Variants in PSMG2 observed in about 807,000 individuals in gnomAD.
PSMG2 encodes the protein CD40 ligand-activated specific transcript 3.
Under a neutral mutation model 31.5 loss-of-function variants are expected in PSMG2, and 21 were observed. That is an observed-to-expected ratio of 0.67 (90% CI 0.47 to 0.96). The LOEUF is 0.96. PSMG2 is among the 40% of genes least tolerant of loss of function. The pLI is 0.00. For synonymous variants in PSMG2, 120 were observed against 110.4 expected, an observed-to-expected ratio of 1.09 and a Z score of -0.54; for missense variants, 318 against 321.2, an observed-to-expected ratio of 0.99 and a Z score of 0.08.
At chr18:12,671,581 TTAACAC>T (rs113404860) in intron 1 of PSMG2, among the ~76,000 whole-genome samples, 2,651 of 151,750 alleles carry the variant, frequency 0.017, 87 homozygotes, top group African/African-American at 0.061. Flanking sequence ...TTTTGTTCAC[TTAACAC>T]TTTTTTTAAT....
rs369287281 is a variant in PSMG2, at chr18:12,674,558, G to A, written c.-37+15785G>A. 16 of 1,613,366 alleles carry A rather than the reference G, an allele frequency of 9.9e-6. No homozygotes were observed. Among genetic ancestry groups the A allele is most frequent in the Non-Finnish European group, 1.3e-5 (15 of 1,179,662 alleles). ...TACCGAAGACATGTGGCAAATGCAC[G>A]TCTTGCATTTCTATACACAAAATGT... On this transcript the variant is annotated intron_variant, in intron 1 of 6. Coordinates refer to the PSMG2 transcript ENST00000585331.
intron 2 of PSMG2, among the ~76,000 whole-genome samples, chr18:12,709,396 G>T (rs979755751): frequency 2.6e-5 from 4 of 151,796 alleles, no homozygotes; most frequent in African/African-American, 9.7e-5. Context: ...GCGGGATCTC[G>T]GCTCACTGCA....
intron 6 of PSMG2, among the ~76,000 whole-genome samples, chr18:12,725,173 T>C (rs1201069633): frequency 6.6e-6 from 1 of 152,240 alleles, no homozygotes; most frequent in East Asian, 1.9e-4. Flanking sequence ...TGCTGATTTT[T>C]TTTTTAATCC....
At chr18:12,719,539 C>T (rs2040410410) in intron 4 of PSMG2, among the ~76,000 whole-genome samples, 1 of 151,614 alleles carries the variant, frequency 6.6e-6, no homozygotes, top group South Asian at 2.1e-4. Context: ...AGGTACCTGC[C>T]GCCACGCCAG....
intron 5 of PSMG2, among the ~76,000 whole-genome samples, chr18:12,722,979 A>C (rs2145153238): frequency 6.6e-6 from 1 of 152,366 alleles, no homozygotes; most frequent in Admixed American, 6.5e-5. Flanking sequence ...ATCAGAGCTC[A>C]TAGTGGTTCC....
chr18:12,680,589 T>C lies in PSMG2; in HGVS notation c.-37+21816T>C, dbSNP rs796967769. ...TCCAGCCTGGGCGACAGAGCGAGAC[T>C]CCATCTCAAAAAAAAAAAAAAAAAA... On this transcript the variant is annotated intron_variant, in intron 1 of 6. Coordinates refer to the PSMG2 transcript ENST00000585331. 6.9e-5 allele frequency: 75 copies of C among 1,092,206 alleles called. No individual in the cohort carries two copies. The African/African-American group carries it at 1.1e-3, about 17-fold the overall frequency. The allele number at this position is 1,092,206 out of a possible 1,614,324, so 67.7% of individuals were successfully genotyped here.
intron 3 of PSMG2, among the ~76,000 whole-genome samples, chr18:12,715,279 G>C (rs941619899): frequency 5.3e-5 from 8 of 152,122 alleles, no homozygotes; most frequent in Non-Finnish European, 1.2e-4. Flanking sequence ...AAAGTAGTGG[G>C]ATTACAGGTG....
intron 2 of PSMG2, among the ~76,000 whole-genome samples, chr18:12,709,998 G>T (rs1030290312): frequency 6.9e-6 from 1 of 144,232 alleles, no homozygotes; most frequent in Non-Finnish European, 1.5e-5. Flanking sequence ...TCTGGAGTGC[G>T]GTGGCACGAT....
At chr18:12,703,018 G>C (rs976918691), upstream of PSMG2, 18 of 1,456,144 alleles carry the variant, frequency 1.2e-5, no homozygotes, top group South Asian at 1.5e-4. Context: ...CGCGCCCCGC[G>C]AGGCTCCGGG....
At chr18:12,671,642 CTTTTTTT>C (rs869130220) in intron 1 of PSMG2, among the ~76,000 whole-genome samples, 35 of 55,550 alleles carry the variant, frequency 6.3e-4, no homozygotes, top group African/African-American at 1.3e-3. Flanking sequence ...TTCACACTTT[CTTTTTTT>C]TTTTTTTTTT....
intron 1 of PSMG2, among the ~76,000 whole-genome samples, chr18:12,682,417 G>A (rs2039384128): frequency 6.6e-6 from 1 of 152,064 alleles, no homozygotes; most frequent in South Asian, 2.1e-4. Flanking sequence ...TCGAATTCCT[G>A]GACTCAAGCA....
chr18:12,705,570 AGAGAGAGTGTGT>A (rs954581265), intron 1 of PSMG2, among the ~76,000 whole-genome samples: 4 of 126,210 alleles, frequency 3.2e-5, no homozygotes, highest in African/African-American at 1.1e-4. Flanking sequence ...AGAGAGAGAG[AGAGAGAGTGTGT>A]GTGTGTGTGT....
At chr18:12,720,732 A>C (rs369637163) in intron 5 of PSMG2, 49 bp downstream of exon 5, 10 of 1,561,168 alleles carry the variant, frequency 6.4e-6, no homozygotes, top group Non-Finnish European at 8.7e-6. Flanking sequence ...TTAAAAATGA[A>C]ATTAATGCAG....
At chr18:12,661,638 G>T (rs2038696625) in intron 1 of PSMG2, among the ~76,000 whole-genome samples, 1 of 151,996 alleles carries the variant, frequency 6.6e-6, no homozygotes, top group Admixed American at 6.6e-5. Context: ...AGCCAGGCAT[G>T]GTGATGCATG....
At chr18:12,688,093 A>C (rs377470282) in intron 1 of PSMG2, among the ~76,000 whole-genome samples, 86 of 151,820 alleles carry the variant, frequency 5.7e-4, no homozygotes, top group African/African-American at 1.9e-3. Flanking sequence ...AATACAAAAA[A>C]AATTAGCCAG....
At chr18:12,691,518 C>A (rs1241770894) in intron 1 of PSMG2, 1 of 1,524,492 alleles carries the variant, frequency 6.6e-7, no homozygotes, top group Non-Finnish European at 9.0e-7. Flanking sequence ...TTTTCAATTT[C>A]TATTCATTAT....
At chr18:12,695,291 AGTG>A in intron 1 of PSMG2, 1 of 1,568,072 alleles carries the variant, frequency 6.4e-7, no homozygotes, top group African/African-American at 1.4e-5. Context: ...CGTTTGATTG[AGTG>A]GTGGATACAT....
intron 1 of PSMG2, chr18:12,658,790 CG>C (rs1475402265): frequency 3.2e-6 from 1 of 316,224 alleles, no homozygotes; most frequent in East Asian, 9.7e-5. Context: ...ACCGTAAAGA[CG>C]GGGATCTTTA....
At chr18:12,659,585 G>T (rs912086392) in intron 1 of PSMG2, among the ~76,000 whole-genome samples, 8 of 152,032 alleles carry the variant, frequency 5.3e-5, no homozygotes, top group African/African-American at 1.9e-4. Flanking sequence ...CAGGAGAATC[G>T]CTTGAACCTG....
Sources: allele counts gnomAD v4.1 joint callset (sites outside exome capture counted in the v4.1 genomes callset), GRCh38; gene constraint gnomAD v4.1.1; transcripts MANE v1.5; gene names NCBI Gene and HGNC (gene_info 2026-07-23, HGNC 2026-07-21).